Variants in GPATCH2 observed in about 807,000 individuals in gnomAD.
GPATCH2 encodes G-patch domain containing 2, also known as G patch domain-containing protein 2.
Under a neutral mutation model 58.0 loss-of-function variants are expected in GPATCH2, and 51 were observed. That is an observed-to-expected ratio of 0.88 (90% confidence interval 0.70 to 1.11). The LOEUF (loss-of-function observed/expected upper bound fraction) is 1.11. Among genes scored for constraint, GPATCH2 ranks in the 50% most tolerant of loss-of-function variants. The pLI, the probability that GPATCH2 is intolerant of heterozygous loss-of-function variation, is 0.00. For missense variants in GPATCH2, 625 were observed against 652.2 expected (o/e 0.96, Z 0.45); for synonymous variants, 222 against 218.5 (o/e 1.02, Z -0.14).
intron 9 of GPATCH2, among the ~76,000 whole-genome samples, chr1:217,433,361 C>CATATATAT (rs1183174400): frequency 5.1e-5 from 6 of 118,582 alleles, no homozygotes; most frequent in Admixed American, 2.5e-4. Context: ...TTAAGCTGTT[C>CATATATAT]ATATATATAT....
chr1:217,570,103 A>G (rs1230999852), intron 5 of GPATCH2, among the ~76,000 whole-genome samples: 1 of 152,016 alleles, frequency 6.6e-6, no homozygotes, highest in African/African-American at 2.4e-5. Context: ...TGAGATAACA[A>G]ATATAACCCA....
At chr1:217,457,685 A>G (rs911428718) in intron 8 of GPATCH2, among the ~76,000 whole-genome samples, 1 of 152,200 alleles carries the variant, frequency 6.6e-6, no homozygotes, top group African/African-American at 2.4e-5. Flanking sequence ...TAAAGGAAGA[A>G]TTAGGGTCAT....
chr1:217,542,603 G>T (rs1056522460), intron 5 of GPATCH2, among the ~76,000 whole-genome samples: 3 of 152,142 alleles, frequency 2.0e-5, no homozygotes, highest in African/African-American at 4.8e-5. Context: ...GATGGAAGGC[G>T]CCAGATTTAG....
intron 8 of GPATCH2, among the ~76,000 whole-genome samples, chr1:217,463,367 TAAAACA>T (rs1257448175): frequency 6.6e-6 from 1 of 152,064 alleles, no homozygotes; most frequent in Non-Finnish European, 1.5e-5. Context: ...CTTGAGGAAG[TAAAACA>T]AGTTCATTGC....
intron 8 of GPATCH2, among the ~76,000 whole-genome samples, chr1:217,466,212 G>T (rs796203719): frequency 1.5e-4 from 23 of 151,848 alleles, no homozygotes; most frequent in African/African-American, 5.1e-4. Flanking sequence ...AGATTTTGTG[G>T]TAATCATTAA....
At chr1:217,567,343 G>A (rs1289538853) in intron 5 of GPATCH2, among the ~76,000 whole-genome samples, 2 of 152,226 alleles carry the variant, frequency 1.3e-5, no homozygotes, top group East Asian at 3.9e-4. Flanking sequence ...ACCGCACCCA[G>A]CCTAAATATA....
intron 1 of GPATCH2, among the ~76,000 whole-genome samples, chr1:217,629,330 T>C (rs982444456): frequency 6.6e-6 from 1 of 152,134 alleles, no homozygotes; most frequent in Non-Finnish European, 1.5e-5. Context: ...CATTCAAAAA[T>C]ACTAAGTGCT....
chr1:217,578,415 T>C (rs1364950893), intron 5 of GPATCH2, among the ~76,000 whole-genome samples: 3 of 152,080 alleles, frequency 2.0e-5, no homozygotes, highest in Non-Finnish European at 4.4e-5. Context: ...CAGGCCCGAC[T>C]AATTTTTTAA....
intron 5 of GPATCH2, among the ~76,000 whole-genome samples, chr1:217,550,262 T>G (rs1417082425): frequency 6.6e-6 from 1 of 152,104 alleles, no homozygotes; most frequent in Non-Finnish European, 1.5e-5. Flanking sequence ...GGATAAAGTA[T>G]GTACATTCTT....
intron 6 of GPATCH2, among the ~76,000 whole-genome samples, chr1:217,514,018 T>A (rs1199801691): frequency 6.6e-6 from 1 of 151,882 alleles, no homozygotes; most frequent in Non-Finnish European, 1.5e-5. Context: ...AGAGACCGGG[T>A]TTCACGATAT....
At chr1:217,561,399 G>T (rs994998868) in intron 5 of GPATCH2, among the ~76,000 whole-genome samples, 1 of 152,144 alleles carries the variant, frequency 6.6e-6, no homozygotes, top group Admixed American at 6.6e-5. Context: ...ATCACACTTG[G>T]AGAATAAAAA....
chr1:217,549,559 T>C (rs1018436213), intron 5 of GPATCH2, among the ~76,000 whole-genome samples: 26 of 152,158 alleles, frequency 1.7e-4, no homozygotes, highest in Non-Finnish European at 2.5e-4. Flanking sequence ...CCATTTTATC[T>C]GAATTACATC....
At chr1:217,498,527 T>A in intron 6 of GPATCH2, 132 bp from the exon 7 acceptor site, 1 of 733,028 alleles carries the variant, frequency 1.4e-6, no homozygotes, top group Non-Finnish European at 2.4e-6. Flanking sequence ...TTTTAATGGA[T>A]GTTTCATGTA....
At chr1:217,474,705 C>G (rs544068910) in intron 8 of GPATCH2, among the ~76,000 whole-genome samples, 15 of 152,292 alleles carry the variant, frequency 9.8e-5, no homozygotes, top group African/African-American at 3.4e-4. Context: ...GAATCATGAA[C>G]AGCGGACCAT....
intron 9 of GPATCH2, among the ~76,000 whole-genome samples, chr1:217,439,290 G>C (rs1659013645): frequency 6.6e-6 from 1 of 152,162 alleles, no homozygotes; most frequent in Admixed American, 6.5e-5. Flanking sequence ...CGAAATTAAA[G>C]CAGAAATAAA....
At chr1:217,495,500 C>G (rs1254276137) in intron 7 of GPATCH2, among the ~76,000 whole-genome samples, 2 of 152,182 alleles carry the variant, frequency 1.3e-5, no homozygotes, top group Non-Finnish European at 2.9e-5. Flanking sequence ...TATGATCTGA[C>G]TCACTAAGAT....
chr1:217,498,485 G>T, intron 6 of GPATCH2, 90 bp from the exon 7 acceptor site: 1 of 921,358 alleles, frequency 1.1e-6, no homozygotes, highest in Non-Finnish European at 1.8e-6. Flanking sequence ...TAAGAAATTT[G>T]TCACCAGCAA....
intron 5 of GPATCH2, among the ~76,000 whole-genome samples, chr1:217,602,701 C>A (rs1026529870): frequency 2.0e-5 from 3 of 152,020 alleles, no homozygotes; most frequent in Non-Finnish European, 2.9e-5. Context: ...GAGAAACATA[C>A]AAAGGGAAGA....
At chr1:217,594,022 T>G (rs1424269563) in intron 5 of GPATCH2, among the ~76,000 whole-genome samples, 2 of 152,148 alleles carry the variant, frequency 1.3e-5, no homozygotes, top group East Asian at 3.8e-4. Flanking sequence ...CCATTTAATA[T>G]CTATCTAAAC....
Sources: gnomAD v4.1 joint callset for allele counts (sites outside exome capture counted in the v4.1 genomes callset) on GRCh38, gnomAD v4.1.1 for gene constraint, MANE v1.5 for transcripts, NCBI Gene and HGNC (gene_info 2026-07-23, HGNC 2026-07-21) for gene names.